Variants in TCERG1L observed in about 807,000 individuals in gnomAD.
TCERG1L encodes transcription elongation regulator 1-like protein.
A neutral mutation model predicts 56.3 loss-of-function variants in TCERG1L; 37 were observed. The observed-to-expected ratio is 0.66, with a 90% confidence interval of 0.51 to 0.87. The LOEUF is 0.87. TCERG1L is among the 40% of genes least tolerant of loss of function. The pLI is 0.00. For missense variants in TCERG1L, 799 were observed against 774.2 expected (o/e 1.03, Z -0.38); for synonymous variants, 324 against 326.3 (o/e 0.99, Z 0.08).
At chr10:131,224,323 C>A (rs1224421925) in intron 4 of TCERG1L, among the ~76,000 whole-genome samples, 1 of 152,154 alleles carries the variant, frequency 6.6e-6, no homozygotes, top group East Asian at 1.9e-4. Context: ...CCCTCCCGAG[C>A]CAGCCTGGCC....
chr10:131,307,045 T>C (rs1057476595), intron 3 of TCERG1L, among the ~76,000 whole-genome samples: 1 of 152,224 alleles, frequency 6.6e-6, no homozygotes, highest in African/African-American at 2.4e-5. Context: ...ATTAAAATAA[T>C]ACCTTTTCAT....
chr10:131,309,717 TATTA>T (rs1846858305), intron 1 of TCERG1L, among the ~76,000 whole-genome samples: 1 of 151,812 alleles, frequency 6.6e-6, no homozygotes. Context: ...TTGCATTTTG[TATTA>T]ATTACTTTTG....
At chr10:131,159,575 T>C (rs1375085765) in intron 6 of TCERG1L, among the ~76,000 whole-genome samples, 1 of 152,140 alleles carries the variant, frequency 6.6e-6, no homozygotes, top group East Asian at 1.9e-4. Flanking sequence ...CCAGTGTGTC[T>C]CCATGAGACC....
chr10:131,178,020 G>C (rs1342414464), intron 4 of TCERG1L, among the ~76,000 whole-genome samples: 3 of 151,996 alleles, frequency 2.0e-5, no homozygotes, highest in East Asian at 3.9e-4. Context: ...CCACATTCCG[G>C]GACAGTCACA....
At chr10:131,158,978 G>A (rs73394523) in intron 6 of TCERG1L, among the ~76,000 whole-genome samples, 8,333 of 152,280 alleles carry the variant, frequency 0.055, 264 homozygotes, top group Middle Eastern at 0.16. Flanking sequence ...CCCTGAACTG[G>A]CCTTCTAAGA....
chr10:131,225,367 C>T (rs1469369317), intron 4 of TCERG1L, among the ~76,000 whole-genome samples: 1 of 152,102 alleles, frequency 6.6e-6, no homozygotes, highest in African/African-American at 2.4e-5. Flanking sequence ...CTGAGAGAAG[C>T]GGCTTCGGGA....
chr10:131,142,756 C>A (rs1845752405), intron 7 of TCERG1L, among the ~76,000 whole-genome samples: 1 of 152,194 alleles, frequency 6.6e-6, no homozygotes, highest in African/African-American at 2.4e-5. Flanking sequence ...TTTAAATTCC[C>A]TCTTCTGTAA....
At chr10:131,248,207 AC>A (rs1377366011) in intron 4 of TCERG1L, among the ~76,000 whole-genome samples, 3 of 150,426 alleles carry the variant, frequency 2.0e-5, no homozygotes, top group African/African-American at 7.4e-5. Context: ...CTACTCACAC[AC>A]AACTCTCTCA....
At chr10:131,152,496 GA>G (rs1589729835) in intron 6 of TCERG1L, among the ~76,000 whole-genome samples, 1 of 152,124 alleles carries the variant, frequency 6.6e-6, no homozygotes, top group East Asian at 1.9e-4. Flanking sequence ...AAGTCTCTAG[GA>G]AGTTCCAAAC....
At chr10:131,270,827 G>C (rs369985606) in intron 3 of TCERG1L, among the ~76,000 whole-genome samples, 14 of 152,156 alleles carry the variant, frequency 9.2e-5, no homozygotes, top group Non-Finnish European at 1.9e-4. Flanking sequence ...ACAAAGGCCC[G>C]CGGTGATGAT....
chr10:131,134,598 C>T (rs1171928347), intron 7 of TCERG1L, 150 bp from the exon 8 acceptor site: 8 of 650,230 alleles, frequency 1.2e-5, no homozygotes, highest in Non-Finnish European at 2.2e-5. Context: ...TACGAGTTTC[C>T]TCTTGGCACA....
intron 9 of TCERG1L, among the ~76,000 whole-genome samples, chr10:131,111,302 G>A (rs1459339021): frequency 2.1e-5 from 3 of 142,506 alleles, no homozygotes; most frequent in African/African-American, 7.4e-5. Context: ...GGTCCTCAGG[G>A]TGTCCCAGGG....
chr10:131,188,858 G>A (rs1845275972), intron 4 of TCERG1L, among the ~76,000 whole-genome samples: 1 of 152,170 alleles, frequency 6.6e-6, no homozygotes, highest in African/African-American at 2.4e-5. Flanking sequence ...AGTAATAAAT[G>A]TCACCACTTT....
At chr10:131,168,337 G>A (rs753519933) in intron 4 of TCERG1L, among the ~76,000 whole-genome samples, 3 of 152,158 alleles carry the variant, frequency 2.0e-5, no homozygotes, top group Non-Finnish European at 2.9e-5. Flanking sequence ...CTGCAGCTCC[G>A]GGAAGGAGAT....
intron 4 of TCERG1L, among the ~76,000 whole-genome samples, chr10:131,258,429 C>T (rs1367959190): frequency 2.0e-5 from 3 of 152,226 alleles, no homozygotes; most frequent in Non-Finnish European, 4.4e-5. Flanking sequence ...GCAGTCCCAC[C>T]TCCCAATGGA....
chr10:131,272,176 C>T (rs1000983504), intron 3 of TCERG1L, among the ~76,000 whole-genome samples: 4 of 152,098 alleles, frequency 2.6e-5, no homozygotes, highest in African/African-American at 9.7e-5. Flanking sequence ...CCGTGTCTTG[C>T]GCCTCCACAC....
At chr10:131,203,525 C>T (rs938502400) in intron 4 of TCERG1L, among the ~76,000 whole-genome samples, 2 of 152,244 alleles carry the variant, frequency 1.3e-5, no homozygotes, top group African/African-American at 4.8e-5. Context: ...CAGGACTTCT[C>T]AGCCTCATGG....
intron 8 of TCERG1L, among the ~76,000 whole-genome samples, chr10:131,130,455 C>T (rs1845606182): frequency 6.6e-6 from 1 of 152,150 alleles, no homozygotes; most frequent in African/African-American, 2.4e-5. Context: ...CACCTGTGTC[C>T]CCCTCATGTG....
chr10:131,167,350 G>A (rs530954553), intron 4 of TCERG1L, among the ~76,000 whole-genome samples: 1 of 152,338 alleles, frequency 6.6e-6, no homozygotes, highest in South Asian at 2.1e-4. Context: ...GGAGTGCTGT[G>A]CCCAGGTGTG....
Sources: gnomAD v4.1 joint callset for allele counts (sites outside exome capture counted in the v4.1 genomes callset) on GRCh38, gnomAD v4.1.1 for gene constraint, MANE v1.5 for transcripts, NCBI Gene and HGNC (gene_info 2026-07-23, HGNC 2026-07-21) for gene names.